Variants in MMADHC observed in about 807,000 individuals in gnomAD.
MMADHC encodes cobalamin trafficking protein CblD.
A neutral mutation model predicts 36.3 loss-of-function variants in MMADHC; 23 were observed. The ratio of observed to expected loss-of-function variants is 0.63; its 90% CI spans 0.46 to 0.90. The LOEUF (loss-of-function observed/expected upper bound fraction) is 0.90. Among genes scored for constraint, MMADHC ranks in the 40% least tolerant of loss-of-function variants. MMADHC has a pLI of 0.00. For synonymous variants in MMADHC, 97 were observed against 116.1 expected, an observed-to-expected ratio of 0.84 and a Z score of 1.06; for missense variants, 330 against 348.0, an observed-to-expected ratio of 0.95 and a Z score of 0.41.
At chr2:149,581,023 C>G (rs62190640) in intron 3 of MMADHC, among the ~76,000 whole-genome samples, 2,058 of 152,278 alleles carry the variant, frequency 0.014, 26 homozygotes, top group Middle Eastern at 0.017. Flanking sequence ...AACCTGTTAG[C>G]TATTTTTGAA....
chr2:149,586,986 T>C, intron 2 of MMADHC, 103 bp downstream of exon 2: 2 of 1,193,926 alleles, frequency 1.7e-6, no homozygotes, highest in South Asian at 2.4e-5. Flanking sequence ...ACATTATATC[T>C]AACACTATAC....
Position 149,575,597 on chromosome 2 carries a change from C to T in MMADHC, c.609+114G>A, listed in dbSNP as rs145675654. 4.9e-3 allele frequency: 4,324 copies of T among 889,176 alleles called. 27 individuals carry two copies. The highest frequency in any genetic ancestry group is 0.015 in the South Asian group (733 of 47,558). 55.1% of individuals were successfully genotyped at this position (889,176 alleles called of 1,614,324 possible). A position where few individuals can be genotyped will look rare whatever the true frequency, so the allele number is the denominator to read the frequency against. Reference sequence around the variant, plus strand: ...ATGTAAGTCCTTTAGTATTATAATACTTTGGCAGAAAATGAATAAAGGGTG... The same window carrying T: ...ATGTAAGTCCTTTAGTATTATAATATTTTGGCAGAAAATGAATAAAGGGTG... On this transcript the variant is annotated intron_variant, in intron 6 of 7. Coordinates refer to ENST00000303319, the MANE Select transcript of MMADHC (RefSeq NM_015702.3).
At chr2:149,575,019 C>G (rs765685189) in intron 6 of MMADHC, among the ~76,000 whole-genome samples, 1 of 152,108 alleles carries the variant, frequency 6.6e-6, no homozygotes, top group South Asian at 2.1e-4. Flanking sequence ...GTCTCAAACT[C>G]CTGGATTCAA....
intron 6 of MMADHC, chr2:149,572,137 T>C (rs1573874982): frequency 8.7e-6 from 3 of 343,214 alleles, no homozygotes; most frequent in South Asian, 6.4e-5. Flanking sequence ...GAAGTCTAAG[T>C]AGTGAAAAGA....
Position 149,587,129 on chromosome 2 carries a change from T to C in MMADHC, c.-32A>G. On this transcript the variant is annotated 5_prime_UTR_variant, in exon 2 of 8. Transcript: ENST00000303319. ...TGGAGAAGATAGTTCGCAAAATAGCTTTCCTTTGGTAAAGTTATTTCTGGG... is the reference window on the plus strand; with the variant it reads ...TGGAGAAGATAGTTCGCAAAATAGCCTTCCTTTGGTAAAGTTATTTCTGGG... 6.2e-7 allele frequency: 1 copy of C among 1,610,630 alleles called. No homozygotes were observed. The highest frequency in any genetic ancestry group is 8.5e-7 in the Non-Finnish European group (1 of 1,176,772).
chr2:149,576,714 A>G (rs1483559246), intron 4 of MMADHC, among the ~76,000 whole-genome samples, 172 bp from the exon 5 acceptor site: 2 of 152,236 alleles, frequency 1.3e-5, no homozygotes, highest in Non-Finnish European at 2.9e-5. Context: ...ACTTTTCTCT[A>G]CAATGAATAT....
At chr2:149,570,974 A>C in intron 7 of MMADHC, 111 bp downstream of exon 7, 1 of 902,206 alleles carries the variant, frequency 1.1e-6, no homozygotes, top group Non-Finnish European at 1.8e-6. Context: ...CTTTGGGTAA[A>C]ATTGTGAGAT....
At chr2:149,573,741 C>T (rs1397278364) in intron 6 of MMADHC, among the ~76,000 whole-genome samples, 1 of 151,908 alleles carries the variant, frequency 6.6e-6, no homozygotes, top group Non-Finnish European at 1.5e-5. Flanking sequence ...CTGAATATGG[C>T]TTAGAAAATA....
At chr2:149,570,242 C>T (rs559023414) in intron 7 of MMADHC, 74 bp from the exon 8 acceptor site, 1 of 1,210,408 alleles carries the variant, frequency 8.3e-7, no homozygotes, top group South Asian at 1.3e-5. Context: ...TAAACATGAA[C>T]ACCTATCTAC....
Position 149,570,145 on chromosome 2 carries a change from GT to G in MMADHC, c.719del (p.Asn240ThrfsTer13), listed in dbSNP as rs1309183788. 6.2e-7 allele frequency: 1 copy of G among 1,613,568 alleles called. No homozygotes were observed. Among genetic ancestry groups the G allele is most frequent in the Non-Finnish European group, 8.5e-7 (1 of 1,179,776 alleles). On this transcript the variant is annotated frameshift_variant, in exon 8 of 8. Coordinates refer to ENST00000303319, the MANE Select transcript of MMADHC (RefSeq NM_015702.3). LOFTEE classifies it high-confidence loss of function. ...AGCGTTCATCAGTTTCAAAAAGAGT[GT>G]TGTTTGTATATGGTCCAAAAAACTG... The part of the protein sequence containing the change: ...GLAFFGPYTN[N>X]TLFETDERYR...
chr2:149,587,415 G>T (rs993301723), intron 1 of MMADHC: 1 of 472,988 alleles, frequency 2.1e-6, no homozygotes, highest in Non-Finnish European at 3.8e-6. Flanking sequence ...ATGGGGGCTG[G>T]GTGGCCAAAA....
At chr2:149,579,967 T>A (rs1363576931) in intron 3 of MMADHC, among the ~76,000 whole-genome samples, 1 of 152,166 alleles carries the variant, frequency 6.6e-6, no homozygotes, top group Non-Finnish European at 1.5e-5. Context: ...CAGGATACAA[T>A]GCGTTAAAAG....
In MMADHC at chr2:149,579,375, C is replaced by CAA. The variant is rs36108609; in HGVS notation, c.372+54_372+55dup. 0.78 allele frequency: 1,134,095 copies of CAA among 1,459,574 alleles called. 448,988 individuals are homozygous for CAA. Among genetic ancestry groups the CAA allele is most frequent in the East Asian group, 0.87 (38,364 of 44,044 alleles). 90.4% of individuals were successfully genotyped at this position (1,459,574 alleles called of 1,614,324 possible). A position where few individuals can be genotyped will look rare whatever the true frequency, so the allele number is the denominator to read the frequency against. On this transcript the variant is annotated intron_variant, in intron 4 of 7. Transcript: ENST00000303319. ...ACAAAAGTAATATGCTTATAATAATCAAGTCATATAGCATTAATAATCAGG... is the reference window on the plus strand; with the variant it reads ...ACAAAAGTAATATGCTTATAATAATCAAAAGTCATATAGCATTAATAATCAGG...
chr2:149,570,083 C>A lies in MMADHC; in HGVS notation c.782G>T (p.Cys261Phe), dbSNP rs1247416959. 1.2e-6 allele frequency: 2 copies of A among 1,613,708 alleles called. No homozygotes were observed. The highest frequency in any genetic ancestry group is 1.7e-6 in the Non-Finnish European group (2 of 1,179,710). Residue 261 changes from cysteine (C) to phenylalanine (F), a missense_variant, in exon 8 of 8, where the codon TGC becomes TTC. Transcript: ENST00000303319. ...HLGFSVDDLG[C>F]CKVIRHSLWG... ...GAGACTATGACGAATCACTTTACAG[C>A]ATCCAAGGTCATCAACAGAGAATCC... is the stretch of plus-strand genomic sequence containing the variant.
chr2:149,582,806 T>A (rs1041487610), intron 2 of MMADHC, among the ~76,000 whole-genome samples: 2 of 152,240 alleles, frequency 1.3e-5, no homozygotes, highest in Non-Finnish European at 2.9e-5. Flanking sequence ...GCTTATATGT[T>A]CACTTACTAG....
chr2:149,577,031 G>A (rs941311817), intron 4 of MMADHC, among the ~76,000 whole-genome samples: 3 of 152,124 alleles, frequency 2.0e-5, no homozygotes, highest in Non-Finnish European at 4.4e-5. Context: ...CAGGCACTAT[G>A]ACAGGAGCAG....
intron 1 of MMADHC, 50 bp from the exon 2 acceptor site, chr2:149,587,199 A>G (rs1682885214): frequency 8.8e-7 from 1 of 1,137,508 alleles, no homozygotes; most frequent in Non-Finnish European, 1.3e-6. Context: ...AACTCTAACA[A>G]CAGACAACTG....
intron 2 of MMADHC, among the ~76,000 whole-genome samples, chr2:149,582,891 TCATAAA>T (rs1215738422): frequency 6.6e-6 from 1 of 152,090 alleles, no homozygotes; most frequent in Non-Finnish European, 1.5e-5. Flanking sequence ...AATCTTTCAT[TCATAAA>T]TTTTTTAACA....
chr2:149,575,600 T>C (rs1250632489), intron 6 of MMADHC, 111 bp downstream of exon 6: 8 of 904,988 alleles, frequency 8.8e-6, no homozygotes, highest in Non-Finnish European at 1.3e-5. Context: ...TATAATACTT[T>C]GGCAGAAAAT....
Sources: gnomAD v4.1 joint callset for allele counts (sites outside exome capture counted in the v4.1 genomes callset) on GRCh38, gnomAD v4.1.1 for gene constraint, MANE v1.5 for transcripts, NCBI Gene and HGNC (gene_info 2026-07-23, HGNC 2026-07-21) for gene names.